OSBPL10: variants seen among roughly 807,000 people sequenced by gnomAD.
The protein encoded by OSBPL10 is oxysterol-binding protein-related protein 10.
Under a neutral mutation model 81.7 loss-of-function variants are expected in OSBPL10, and 49 were observed. The observed-to-expected ratio is 0.60, with a 90% CI of 0.48 to 0.76. OSBPL10 has a LOEUF of 0.76. Among genes scored for constraint, OSBPL10 ranks in the 30% least tolerant of loss-of-function variants. The pLI, the probability that OSBPL10 is intolerant of heterozygous loss-of-function variation, is 0.00. For synonymous variants in OSBPL10, 419 were observed against 383.6 expected (o/e 1.09, Z -1.08); for missense variants, 923 against 987.8 (o/e 0.93, Z 0.88).
rs1412891908 is a variant in OSBPL10 at position 31,812,891 on chromosome 3, TAA to T, written c.729+17147_729+17148del. Among the ~76,000 whole-genome samples, 7 of 152,176 alleles carry T rather than the reference TAA, an allele frequency of 4.6e-5. No homozygotes were observed. In the East Asian group the frequency reaches 9.7e-4, roughly 21 times the overall value. On this transcript the variant is annotated intron_variant, in intron 4 of 11. Coordinates refer to ENST00000396556, the MANE Select transcript of OSBPL10 (RefSeq NM_017784.5). ...GTGAGAAGGACAATTATTTTTGTGTTAAAGATAAAATGTGTACTAAAATGATG... is the reference window on the plus strand; with the variant it reads ...GTGAGAAGGACAATTATTTTTGTGTTAGATAAAATGTGTACTAAAATGATG...
At chr3:31,787,399 A>G (rs975470621) in intron 4 of OSBPL10, among the ~76,000 whole-genome samples, 5 of 152,134 alleles carry the variant, frequency 3.3e-5, no homozygotes, top group Admixed American at 3.3e-4. Context: ...GTTCCAGACC[A>G]GCCTGGCCAA....
intron 2 of OSBPL10, among the ~76,000 whole-genome samples, chr3:32,004,848 T>C (rs1699188180): frequency 6.6e-6 from 1 of 152,206 alleles, no homozygotes; most frequent in African/African-American, 2.4e-5. Context: ...TACAGGTGCA[T>C]AAAATTAAGT....
intron 4 of OSBPL10, among the ~76,000 whole-genome samples, chr3:31,772,991 GTGACCAAACTTT>G (rs1055146724): frequency 2.0e-5 from 3 of 149,674 alleles, no homozygotes; most frequent in Admixed American, 6.6e-5. Context: ...CCTGGGTAAC[GTGACCAAACTTT>G]TTTTTTTTTT....
At chr3:31,964,120 A>T (rs1698246242) in intron 1 of OSBPL10, among the ~76,000 whole-genome samples, 1 of 152,130 alleles carries the variant, frequency 6.6e-6, no homozygotes, top group Non-Finnish European at 1.5e-5. Context: ...TAGCTGTCAG[A>T]TGTTTCTCCA....
chr3:31,879,943 G>T, intron 1 of OSBPL10, 113 bp from the exon 2 acceptor site: 1 of 1,159,976 alleles, frequency 8.6e-7, no homozygotes, highest in Non-Finnish European at 1.2e-6. Context: ...CATCCATGAA[G>T]CTGGAAACCA....
chr3:31,809,974 C>T (rs1219049950), intron 4 of OSBPL10, among the ~76,000 whole-genome samples: 1 of 148,392 alleles, frequency 6.7e-6, no homozygotes, highest in East Asian at 2.0e-4. Context: ...TGGATTCAAG[C>T]GATTCTCCTG....
chr3:32,041,688 C>T (rs1396646589), intron 2 of OSBPL10, among the ~76,000 whole-genome samples: 2 of 151,910 alleles, frequency 1.3e-5, no homozygotes, highest in Non-Finnish European at 2.9e-5. Flanking sequence ...TTGACAGAGT[C>T]TTGCTGTCAC....
intron 2 of OSBPL10, among the ~76,000 whole-genome samples, chr3:31,999,109 G>A (rs538552433): frequency 1.3e-5 from 2 of 152,290 alleles, no homozygotes; most frequent in African/African-American, 4.8e-5. Context: ...CATCTCTGCT[G>A]TTAGCTTGAT....
chr3:31,988,324 T>C (rs918183967), intron 2 of OSBPL10, among the ~76,000 whole-genome samples: 1 of 152,116 alleles, frequency 6.6e-6, no homozygotes, highest in African/African-American at 2.4e-5. Context: ...ATTGTGGACT[T>C]GAAGCTAGTG....
At chr3:31,860,474 C>G (rs1005608181) in intron 3 of OSBPL10, among the ~76,000 whole-genome samples, 2 of 152,030 alleles carry the variant, frequency 1.3e-5, no homozygotes, top group Non-Finnish European at 2.9e-5. Context: ...GCAGAAAGCC[C>G]CAAGGCAATA....
intron 7 of OSBPL10, among the ~76,000 whole-genome samples, chr3:31,697,588 T>C (rs1559420932): frequency 6.6e-6 from 1 of 152,192 alleles, no homozygotes; most frequent in African/African-American, 2.4e-5. Context: ...CGAATAGCAA[T>C]TAATAATAAT....
At chr3:31,901,814 G>A (rs990918871) in intron 1 of OSBPL10, among the ~76,000 whole-genome samples, 1 of 152,164 alleles carries the variant, frequency 6.6e-6, no homozygotes. Flanking sequence ...AAGGCGGGCG[G>A]ACTGCCTGAG....
intron 3 of OSBPL10, among the ~76,000 whole-genome samples, chr3:31,848,561 T>C (rs1700690144): frequency 6.6e-6 from 1 of 152,144 alleles, no homozygotes; most frequent in Admixed American, 6.5e-5. Flanking sequence ...AAGAATAATA[T>C]GTTCCTAGGC....
intron 3 of OSBPL10, among the ~76,000 whole-genome samples, chr3:31,843,311 T>C (rs1303909372): frequency 6.6e-6 from 1 of 152,226 alleles, no homozygotes; most frequent in East Asian, 1.9e-4. Flanking sequence ...ATTACCTGTG[T>C]CTGGGGTAGA....
At chr3:31,904,047 C>G (rs895906857) in intron 1 of OSBPL10, among the ~76,000 whole-genome samples, 7 of 152,156 alleles carry the variant, frequency 4.6e-5, no homozygotes, top group African/African-American at 1.4e-4. Context: ...AACTATAATA[C>G]TACCGCCCTA....
At chr3:31,956,178 G>T (rs1698001235) in intron 1 of OSBPL10, among the ~76,000 whole-genome samples, 1 of 152,138 alleles carries the variant, frequency 6.6e-6, no homozygotes, top group African/African-American at 2.4e-5. Flanking sequence ...CCTTCTAAAT[G>T]GCTCTGATCC....
At position 31,981,018 on chromosome 3, in the gene OSBPL10, G is replaced by T; in HGVS notation, c.162C>A (p.Ser54Arg). The T allele has an allele frequency of 6.8e-7, 1 of 1,473,576 alleles. No individual in the cohort carries two copies. The highest frequency in any genetic ancestry group is 9.0e-7 in the Non-Finnish European group (1 of 1,116,794). 91.3% of individuals were successfully genotyped at this position (1,473,576 alleles called of 1,614,324 possible). Residue 54 changes from serine (S) to arginine (R), a missense_variant, in exon 1 of 12, where the codon AGC (serine) becomes AGA (arginine). Physicochemically the swap from Ser to Arg is moderately radical, Grantham distance 110 (BLOSUM62 -1). Around this residue, in one of 3 missense-constraint regions of OSBPL10, gnomAD observed 514 missense variants for 508.0 expected, o/e 1.01. Coordinates refer to ENST00000396556, the MANE Select transcript of OSBPL10 (RefSeq NM_017784.5). This position sits in a 1 kb window ranked among gnomAD's most constrained non-coding sequence, Gnocchi z 4.5. Reference sequence around the variant, plus strand: ...CGGCCACAGAGCCCGGGCTGCTGCGGCTTCCCCCGCCGCCGAGCCCGGCCG... The same window carrying T: ...CGGCCACAGAGCCCGGGCTGCTGCGTCTTCCCCCGCCGCCGAGCCCGGCCG... ...SAAAGLGGGGSRSSPGSVAAS... is the reference protein window; with the variant it reads ...SAAAGLGGGGRRSSPGSVAAS...
At chr3:31,712,551 G>C (rs916458410) in intron 6 of OSBPL10, among the ~76,000 whole-genome samples, 1 of 152,228 alleles carries the variant, frequency 6.6e-6, no homozygotes, top group Non-Finnish European at 1.5e-5. Flanking sequence ...GATGGAGGAA[G>C]GGGCTGCAAG....
intron 5 of OSBPL10, among the ~76,000 whole-genome samples, chr3:31,739,683 G>C (rs574297478): frequency 3.9e-5 from 6 of 152,044 alleles, no homozygotes; most frequent in African/African-American, 1.4e-4. Flanking sequence ...GCCATGAAGA[G>C]AGCCCTCACC....
Sources: gnomAD v4.1 joint callset for allele counts (sites outside exome capture counted in the v4.1 genomes callset) on GRCh38, gnomAD v4.1.1 for gene constraint, gnomAD v4.1.1 regional missense constraint, Gnocchi (gnomAD v3.1) non-coding constraint, MANE v1.5 for transcripts, NCBI Gene and HGNC (gene_info 2026-07-23, HGNC 2026-07-21) for gene names.